MTERF4: variants seen among roughly 807,000 people sequenced by gnomAD.
The protein encoded by MTERF4 is transcription termination factor 4, mitochondrial.
Under a neutral mutation model 22.5 loss-of-function variants are expected in MTERF4, and 17 were observed. That is an observed-to-expected ratio of 0.75 (90% CI 0.52 to 1.13). MTERF4 has a LOEUF of 1.13. MTERF4 is among the 50% of genes most tolerant of loss of function. The pLI is 0.00. For missense variants in MTERF4, 420 were observed against 466.8 expected, an observed-to-expected ratio of 0.90 and a Z score of 0.92; for synonymous variants, 165 against 175.3, an observed-to-expected ratio of 0.94 and a Z score of 0.47.
At chr2:241,052,600 T>TGGG in the MTERF4 span, 1 of 625,038 alleles carries the variant, frequency 1.6e-6, no homozygotes, top group East Asian at 3.3e-5. Flanking sequence ...CCAAGCAGGA[T>TGGG]ATATGGGATA....
At chr2:241,088,062 T>G, downstream of MTERF4, 1 of 460,730 alleles carries the variant, frequency 2.2e-6, no homozygotes. Context: ...CCTGTGCACG[T>G]CACCGGCTCT....
downstream of MTERF4, chr2:241,090,443 G>A (rs1377241890): frequency 9.7e-6 from 15 of 1,540,138 alleles, no homozygotes; most frequent in East Asian, 2.5e-5. Context: ...AGTAGAAGGA[G>A]TACACTCTAA....
rs1459800014 is a variant in MTERF4 at position 241,102,274 on chromosome 2, A to G, written c.-1T>C. 3.2e-5 allele frequency: 49 copies of G among 1,549,374 alleles called. No homozygotes were observed. The highest frequency in any genetic ancestry group is 4.3e-5 in the Non-Finnish European group (49 of 1,145,978). ...TTACCTGACGGCCGAACGCAGCCATAGCGCGGAGAAGATGGCAGCAGTTAC... is the reference window on the plus strand; with the variant it reads ...TTACCTGACGGCCGAACGCAGCCATGGCGCGGAGAAGATGGCAGCAGTTAC... On this transcript the variant is annotated 5_prime_UTR_variant, in exon 1 of 4. Transcript: ENST00000391980.
downstream of MTERF4, among the ~76,000 whole-genome samples, chr2:241,084,388 A>C (rs1042622288): frequency 2.6e-5 from 4 of 152,136 alleles, no homozygotes; most frequent in Non-Finnish European, 5.9e-5. Flanking sequence ...TCATGACCTC[A>C]GGTGATCCAC....
the MTERF4 span, chr2:241,064,916 G>A: frequency 6.3e-7 from 1 of 1,586,802 alleles, no homozygotes; most frequent in South Asian, 1.2e-5. This position sits in a 1 kb window ranked among gnomAD's most constrained non-coding sequence, Gnocchi z 7.0. Flanking sequence ...TCCCACAGCT[G>A]CACCTGCAAA....
At chr2:241,046,759 C>G in the MTERF4 span, among the ~76,000 whole-genome samples, 1 of 152,156 alleles carries the variant, frequency 6.6e-6, no homozygotes, top group South Asian at 2.1e-4. Context: ...TGTTAAAATT[C>G]ATAGAGGTGT....
At chr2:241,084,427 T>G (rs900691504), downstream of MTERF4, among the ~76,000 whole-genome samples, 8 of 152,292 alleles carry the variant, frequency 5.3e-5, no homozygotes, top group African/African-American at 1.9e-4. Context: ...GTGCTGGGAT[T>G]ACAGGCGTGA....
chr2:241,089,638 C>G (rs1255167146), downstream of MTERF4, among the ~76,000 whole-genome samples: 1 of 152,196 alleles, frequency 6.6e-6, no homozygotes, highest in African/African-American at 2.4e-5. Flanking sequence ...GAATCACTTC[C>G]CGCTCCCACC....
At chr2:241,065,792 A>C in the MTERF4 span, among the ~76,000 whole-genome samples, 2 of 152,204 alleles carry the variant, frequency 1.3e-5, no homozygotes, top group African/African-American at 4.8e-5. Flanking sequence ...TGGGTCCACA[A>C]GATACAGGCA....
chr2:241,048,401 G>A, the MTERF4 span: 3 of 1,611,466 alleles, frequency 1.9e-6, no homozygotes, highest in Admixed American at 3.4e-5. Flanking sequence ...CTACGTGTGC[G>A]AGTGCCCCGA....
chr2:241,080,412 T>G (rs1442620543), intron 4 of MTERF4, among the ~76,000 whole-genome samples: 1 of 152,246 alleles, frequency 6.6e-6, no homozygotes, highest in Non-Finnish European at 1.5e-5. Flanking sequence ...TTGAAAGGCC[T>G]GAAGCTGTGA....
the MTERF4 span, chr2:241,048,854 T>A: frequency 7.9e-7 from 1 of 1,267,438 alleles, no homozygotes; most frequent in Non-Finnish European, 1.1e-6. Context: ...GGTCCGTAGG[T>A]CCAGACTGTC....
At chr2:241,070,159 G>C (rs368778916), downstream of MTERF4, 5 of 1,605,474 alleles carry the variant, frequency 3.1e-6, no homozygotes, top group African/African-American at 4.0e-5. Context: ...CACGGAGCTC[G>C]GGCCGCAGCA....
the MTERF4 span, chr2:241,051,864 CG>C: frequency 6.5e-7 from 1 of 1,536,536 alleles, no homozygotes; most frequent in Non-Finnish European, 8.8e-7. The surrounding 1 kb of genome is among the most constrained non-coding windows in gnomAD (Gnocchi z 4.7). Context: ...GAGATCGGTG[CG>C]GCCCCCAGGG....
chr2:241,067,762 A>C, downstream of MTERF4: 2 of 1,602,296 alleles, frequency 1.2e-6, no homozygotes, highest in Non-Finnish European at 1.7e-6. Flanking sequence ...CATTCCCCCT[A>C]GGACCCCGCC....
the MTERF4 span, among the ~76,000 whole-genome samples, chr2:241,052,809 C>T: frequency 7.3e-6 from 1 of 136,664 alleles, no homozygotes; most frequent in Non-Finnish European, 1.5e-5. Context: ...CTGGGGGGCC[C>T]AAGCAGGGTA....
chr2:241,097,803 G>C (rs2064524378), intron 2 of MTERF4, among the ~76,000 whole-genome samples: 1 of 152,198 alleles, frequency 6.6e-6, no homozygotes, highest in African/African-American at 2.4e-5. Context: ...CCATATTGCT[G>C]GTTTGGGTTG....
rs150795053 is a variant in MTERF4, at chr2:241,096,271, C to T, written c.873G>A (p.Lys291=). The change falls in exon 4 of 4, where the codon AAG becomes AAA. Residue 291 remains lysine (K), a synonymous_variant. Transcript: ENST00000391980. The surrounding 1 kb of genome is among the most constrained non-coding windows in gnomAD (Gnocchi z 5.1). ...GQTQIPNPLL[K]DILRVSEAEF... Reference sequence around the variant, plus strand: ...CAGCTTCTGAAACTCTGAGAATGTCCTTGAGCAATGGGTTAGGGATCTGTG... The same window carrying T: ...CAGCTTCTGAAACTCTGAGAATGTCTTTGAGCAATGGGTTAGGGATCTGTG... The T allele has an allele frequency of 5.1e-5, 83 of 1,614,182 alleles. 1 individual carries two copies. In the African/African-American group the frequency reaches 1.0e-3, roughly 20 times the overall value.
At chr2:241,050,597 C>T in the MTERF4 span, among the ~76,000 whole-genome samples, 11 of 152,196 alleles carry the variant, frequency 7.2e-5, no homozygotes, top group African/African-American at 2.4e-4. Context: ...AGGGAAAGAC[C>T]CTGAAGTCTG....
Sources: gnomAD v4.1 joint callset for allele counts (sites outside exome capture counted in the v4.1 genomes callset) on GRCh38, gnomAD v4.1.1 for gene constraint, Gnocchi (gnomAD v3.1) non-coding constraint, MANE v1.5 for transcripts, NCBI Gene and HGNC (gene_info 2026-07-23, HGNC 2026-07-21) for gene names.